STX3: variants seen among roughly 807,000 people sequenced by gnomAD.
The protein encoded by STX3 is syntaxin-3.
Under a neutral mutation model 40.2 loss-of-function variants are expected in STX3, and 19 were observed. That is an observed-to-expected ratio of 0.47 (90% CI 0.33 to 0.69). The LOEUF (loss-of-function observed/expected upper bound fraction) is 0.69, where lower values mean the gene tolerates loss of function less well. Among genes scored for constraint, STX3 ranks in the 30% least tolerant of loss-of-function variants. The pLI, the probability that STX3 is intolerant of heterozygous loss-of-function variation, is 0.02. For synonymous variants in STX3, 122 were observed against 132.2 expected, an observed-to-expected ratio of 0.92 and a Z score of 0.53; for missense variants, 364 against 366.7, an observed-to-expected ratio of 0.99 and a Z score of 0.06.
At chr11:59,796,416 T>A (rs1865520552) in intron 9 of STX3, among the ~76,000 whole-genome samples, 1 of 152,244 alleles carries the variant, frequency 6.6e-6, no homozygotes, top group Non-Finnish European at 1.5e-5. Context: ...TGACTGGTTC[T>A]CTTGGGCTCT....
At chr11:59,792,265 T>A in intron 6 of STX3, 50 bp downstream of exon 6, 1 of 1,536,620 alleles carries the variant, frequency 6.5e-7, no homozygotes, top group Non-Finnish European at 9.0e-7. Context: ...TGCCACCTGG[T>A]TGTCCATCCC....
intron 1 of STX3, among the ~76,000 whole-genome samples, chr11:59,757,530 T>A (rs1482316888): frequency 6.6e-6 from 1 of 152,204 alleles, no homozygotes; most frequent in Non-Finnish European, 1.5e-5. Context: ...CGGTGCCTCA[T>A]GGTTACCCTC....
At chr11:59,773,143 T>C (rs1863753753) in intron 1 of STX3, 68 bp from the exon 2 acceptor site, 1 of 1,471,268 alleles carries the variant, frequency 6.8e-7, no homozygotes, top group African/African-American at 1.4e-5. Flanking sequence ...TAGTACTTCG[T>C]GAGCATTCAA....
At chr11:59,768,643 T>C (rs925970070) in intron 1 of STX3, among the ~76,000 whole-genome samples, 1 of 152,146 alleles carries the variant, frequency 6.6e-6, no homozygotes, top group African/African-American at 2.4e-5. Flanking sequence ...AGTGGGAATA[T>C]AGCTAAACGC....
At chr11:59,784,229 A>G (rs1270022899) in intron 2 of STX3, among the ~76,000 whole-genome samples, 2 of 152,250 alleles carry the variant, frequency 1.3e-5, no homozygotes, top group African/African-American at 4.8e-5. Flanking sequence ...AATTTCTGTG[A>G]CAACCAATCT....
In STX3 at chr11:59,802,039, AC is replaced by A; in HGVS notation, c.*1218del. ...CAGACAGAAGGTATAATTTTTTGAC[AC>A]CCTTTCCCACCTGGTGCCTATGCTA... is the stretch of plus-strand genomic sequence containing the variant. On this transcript the variant is annotated 3_prime_UTR_variant, in exon 11 of 11. Transcript: ENST00000337979. The A allele has an allele frequency of 1.0e-6, 1 of 985,364 alleles. No homozygotes were observed. Among genetic ancestry groups the A allele is most frequent in the Non-Finnish European group, 1.2e-6 (1 of 829,912 alleles). 61.0% of individuals were successfully genotyped at this position (985,364 alleles called of 1,614,324 possible).
intron 1 of STX3, among the ~76,000 whole-genome samples, chr11:59,764,018 C>CA (rs773622123): frequency 0.042 from 4,759 of 113,582 alleles, 177 homozygotes; most frequent in African/African-American, 0.12. Context: ...AACTCCGTCT[C>CA]AAAAAAAAAA....
Position 59,801,087 on chromosome 11 carries a change from G to T in STX3, c.*263G>T. ...CAGCTCTCAAGTACCTTTTCTCCTG[G>T]ACTGTGTGGACCCACCCAGCTTTCT... On this transcript the variant is annotated 3_prime_UTR_variant, in exon 11 of 11. Transcript: ENST00000337979. 1 of 1,437,042 alleles carries T rather than the reference G, an allele frequency of 7.0e-7. No individual in the cohort carries two copies. Among genetic ancestry groups the T allele is most frequent in the South Asian group, 1.5e-5 (1 of 68,630 alleles). 89.0% of individuals were successfully genotyped at this position (1,437,042 alleles called of 1,614,324 possible).
intron 1 of STX3, 22 bp downstream of exon 1, chr11:59,755,657 G>A (rs201559984): frequency 1.1e-5 from 18 of 1,591,148 alleles, no homozygotes; most frequent in Non-Finnish European, 1.4e-5. Context: ...CGCAGGCGGG[G>A]TGCTGCCAGG....
At chr11:59,765,130 TCTC>T (rs1565163515) in intron 1 of STX3, among the ~76,000 whole-genome samples, 3 of 152,226 alleles carry the variant, frequency 2.0e-5, no homozygotes, top group Non-Finnish European at 4.4e-5. Context: ...TATCTGTCAA[TCTC>T]CTCTTGATTT....
At chr11:59,775,485 C>T (rs1291064811) in intron 2 of STX3, among the ~76,000 whole-genome samples, 4 of 152,172 alleles carry the variant, frequency 2.6e-5, no homozygotes, top group Non-Finnish European at 5.9e-5. Flanking sequence ...CCTTTTTCTT[C>T]TGAGCCAGTC....
chr11:59,779,071 C>G (rs184136675), intron 2 of STX3, among the ~76,000 whole-genome samples: 12 of 152,290 alleles, frequency 7.9e-5, no homozygotes, highest in Admixed American at 2.6e-4. Context: ...CTCCTGATCT[C>G]AGGTGATCTG....
intron 8 of STX3, among the ~76,000 whole-genome samples, chr11:59,794,022 A>G (rs1286125515): frequency 6.6e-6 from 1 of 152,128 alleles, no homozygotes; most frequent in Non-Finnish European, 1.5e-5. Flanking sequence ...GACATTGAAA[A>G]TGTGATCTTT....
chr11:59,789,923 G>A (rs1865015826), intron 4 of STX3, among the ~76,000 whole-genome samples: 1 of 152,124 alleles, frequency 6.6e-6, no homozygotes, highest in South Asian at 2.1e-4. Flanking sequence ...AGCCTAGAAG[G>A]TTTACTTAGT....
At chr11:59,797,754 T>G (rs891823191) in intron 10 of STX3, among the ~76,000 whole-genome samples, 1 of 152,244 alleles carries the variant, frequency 6.6e-6, no homozygotes. Context: ...GTCTTCTGAA[T>G]TCTTACTGAT....
intron 2 of STX3, among the ~76,000 whole-genome samples, chr11:59,782,014 T>C (rs1864416207): frequency 6.6e-6 from 1 of 152,144 alleles, no homozygotes; most frequent in Non-Finnish European, 1.5e-5. Flanking sequence ...CGAGACTAAT[T>C]CTTAGGGAGA....
At chr11:59,794,476 G>C (rs968524470) in intron 8 of STX3, among the ~76,000 whole-genome samples, 3 of 152,148 alleles carry the variant, frequency 2.0e-5, no homozygotes, top group Admixed American at 2.0e-4. Context: ...TTTGACATTG[G>C]TTCCCTGCCG....
At chr11:59,799,319 T>G (rs982901377) in intron 10 of STX3, among the ~76,000 whole-genome samples, 3 of 149,408 alleles carry the variant, frequency 2.0e-5, no homozygotes, top group Admixed American at 1.3e-4. Context: ...CACGTTCACA[T>G]ACTCAGACAT....
chr11:59,778,052 G>T (rs1192410213), intron 2 of STX3, among the ~76,000 whole-genome samples: 1 of 152,132 alleles, frequency 6.6e-6, no homozygotes, highest in Non-Finnish European at 1.5e-5. Context: ...TCTCGTAGCT[G>T]GCCCACTTAG....
Sources: allele counts gnomAD v4.1 joint callset (sites outside exome capture counted in the v4.1 genomes callset), GRCh38; gene constraint gnomAD v4.1.1; transcripts MANE v1.5; gene names NCBI Gene and HGNC (gene_info 2026-07-23, HGNC 2026-07-21).